Variants in PARD3 observed in about 807,000 individuals in gnomAD.
The protein encoded by PARD3 is par-3 family cell polarity regulator, also known as partitioning defective 3 homolog.
In PARD3, 75 loss-of-function variants were observed where a neutral mutation model predicts 155.4. The ratio of observed to expected loss-of-function variants is 0.48; its 90% CI spans 0.40 to 0.58. The LOEUF is 0.58. PARD3 is among the 20% of genes least tolerant of loss of function. PARD3 has a pLI of 0.00. For missense variants in PARD3, 1,642 were observed against 1,721.7 expected, an observed-to-expected ratio of 0.95 and a Z score of 0.82; for synonymous variants, 576 against 610.5, an observed-to-expected ratio of 0.94 and a Z score of 0.83.
At chr10:34,694,682 G>C (rs1030630720) in intron 2 of PARD3, among the ~76,000 whole-genome samples, 31 of 151,948 alleles carry the variant, frequency 2.0e-4, no homozygotes, top group Non-Finnish European at 1.5e-5. Context: ...TTGTTAGCCA[G>C]GATCTGCATT....
chr10:34,337,678 C>A (rs915528052), intron 16 of PARD3, among the ~76,000 whole-genome samples: 1 of 152,110 alleles, frequency 6.6e-6, no homozygotes, highest in Non-Finnish European at 1.5e-5. Context: ...TCTCTACTTT[C>A]CTCTCTGTTT....
Position 34,719,101 on chromosome 10 carries a change from C to A in PARD3, c.121-22682G>T, listed in dbSNP as rs191315461. On this transcript the variant is annotated intron_variant, in intron 1 of 24. Coordinates refer to ENST00000374788, the MANE Select transcript of PARD3 (RefSeq NM_001184785.2). ...CCTTTCTCCCCACAATATACTGATA[C>A]GTTGAATTGAGCCAGGCACATGTAA... 3.8e-4 allele frequency among the ~76,000 whole-genome samples: 58 copies of A among 152,280 alleles called. No homozygotes were observed. The East Asian group carries it at 4.4e-3, about 12-fold the overall frequency.
rs1946343769 is a variant in PARD3 at position 34,110,589 on chromosome 10, T to A, written c.*580A>T. On this transcript the variant is annotated 3_prime_UTR_variant, in exon 25 of 25. Transcript: ENST00000374788. ...CCATGGTGACCAAACAATGTTGGAC[T>A]ATGGCTTAGCTTCTGTAATAGGATG... 1 of 152,326 alleles carries A rather than the reference T, an allele frequency of 6.6e-6. No individual in the cohort carries two copies. The highest frequency in any genetic ancestry group is 2.4e-5 in the African/African-American group (1 of 41,448). 9.4% of individuals were successfully genotyped at this position (152,326 alleles called of 1,614,324 possible).
Position 34,109,888 on chromosome 10 carries a change from A to T in PARD3, c.*1281T>A, listed in dbSNP as rs7091596. On this transcript the variant is annotated 3_prime_UTR_variant, in exon 25 of 25. Transcript: ENST00000374788. ...TAAATACATGGTATGCTGAGCTTTC[A>T]CCTCCAGCTTTTTCCACATCGGGAT... 5,851 of 151,460 alleles carry T rather than the reference A, an allele frequency of 0.039. 293 individuals are homozygous for T. The highest frequency in any genetic ancestry group is 0.19 in the East Asian group (987 of 5,130). The allele number at this position is 151,460 out of a possible 1,614,324, so 9.4% of individuals were successfully genotyped here.
chr10:34,626,152 G>A (rs953879546), intron 2 of PARD3, among the ~76,000 whole-genome samples: 1 of 152,198 alleles, frequency 6.6e-6, no homozygotes, highest in African/African-American at 2.4e-5. Flanking sequence ...AAGAAAGGAG[G>A]ACCTGTAAAC....
At chr10:34,635,338 G>A (rs1027661227) in intron 2 of PARD3, among the ~76,000 whole-genome samples, 5 of 152,236 alleles carry the variant, frequency 3.3e-5, no homozygotes, top group Non-Finnish European at 7.3e-5. Context: ...CTGTCTGAGC[G>A]AGAGATGCCA....
chr10:34,558,290 C>G (rs1254953365), intron 2 of PARD3, among the ~76,000 whole-genome samples: 1 of 152,152 alleles, frequency 6.6e-6, no homozygotes, highest in Non-Finnish European at 1.5e-5. Context: ...GATGCTGTTA[C>G]AAAGTTTTCA....
chr10:34,559,156 T>C (rs2085263349), intron 2 of PARD3, among the ~76,000 whole-genome samples: 1 of 152,080 alleles, frequency 6.6e-6, no homozygotes, highest in African/African-American at 2.4e-5. Context: ...TTAGGCACCA[T>C]ACTCAGCCTT....
chr10:34,419,534 A>C (rs1188119368), intron 5 of PARD3, among the ~76,000 whole-genome samples: 6 of 152,182 alleles, frequency 3.9e-5, no homozygotes, highest in Admixed American at 3.9e-4. Flanking sequence ...AAGAAAAGAA[A>C]AGAAGTAATG....
chr10:34,344,868 A>G, intron 15 of PARD3: 1 of 985,424 alleles, frequency 1.0e-6, no homozygotes, highest in Non-Finnish European at 1.2e-6. Context: ...TTGGTTCAGA[A>G]GTACAGAAAG....
chr10:34,234,553 C>T (rs1953113644), intron 22 of PARD3, among the ~76,000 whole-genome samples: 1 of 152,152 alleles, frequency 6.6e-6, no homozygotes, highest in Admixed American at 6.6e-5. Context: ...CTCTTTCCTC[C>T]CTTCTCTGCA....
Position 34,424,731 on chromosome 10 carries a change from T to C in PARD3, c.715-22814A>G, listed in dbSNP as rs538944160. 1.3e-3 allele frequency among the ~76,000 whole-genome samples: 204 copies of C among 152,110 alleles called. 1 individual carries two copies. The highest frequency in any genetic ancestry group is 4.6e-3 in the African/African-American group (189 of 41,508). On this transcript the variant is annotated intron_variant, in intron 5 of 24. Transcript: ENST00000374788. ...GGTTTCGTCATGTTGCCCAGGCTGG[T>C]CTCAAACTCCTGACCTCAGGTGATC...
intron 1 of PARD3, among the ~76,000 whole-genome samples, chr10:34,788,070 A>T (rs954895562): frequency 5.3e-5 from 8 of 151,586 alleles, no homozygotes; most frequent in Admixed American, 4.6e-4. Flanking sequence ...AGGTATAAGT[A>T]ACGTCGCCCC....
intron 3 of PARD3, among the ~76,000 whole-genome samples, chr10:34,501,536 T>C (rs1564785355): frequency 6.6e-6 from 1 of 152,318 alleles, no homozygotes; most frequent in South Asian, 2.1e-4. Flanking sequence ...ACTCACTAGA[T>C]CATTACTGTT....
chr10:34,322,646 T>C (rs1958449404), intron 19 of PARD3, among the ~76,000 whole-genome samples: 1 of 152,142 alleles, frequency 6.6e-6, no homozygotes, highest in Admixed American at 6.6e-5. Flanking sequence ...TCAATGGGTA[T>C]AAATAGAGAT....
chr10:34,705,578 C>T (rs761533172), intron 1 of PARD3, among the ~76,000 whole-genome samples: 1 of 151,926 alleles, frequency 6.6e-6, no homozygotes, highest in Non-Finnish European at 1.5e-5. Context: ...AAACATTATA[C>T]AAATGTTTGT....
intron 22 of PARD3, among the ~76,000 whole-genome samples, chr10:34,187,925 T>C (rs901252126): frequency 2.6e-5 from 4 of 151,806 alleles, no homozygotes; most frequent in African/African-American, 9.7e-5. Context: ...CTGTGACCCT[T>C]TCTAGGATGG....
intron 19 of PARD3, among the ~76,000 whole-genome samples, chr10:34,329,491 T>A (rs925297984): frequency 3.3e-5 from 5 of 152,090 alleles, no homozygotes; most frequent in Non-Finnish European, 7.4e-5. Flanking sequence ...AAAAACTCAA[T>A]AGGGTCGAAA....
intron 2 of PARD3, among the ~76,000 whole-genome samples, chr10:34,518,812 G>C (rs1191370161): frequency 1.3e-5 from 2 of 152,070 alleles, no homozygotes; most frequent in African/African-American, 4.8e-5. Context: ...GATAATAACA[G>C]GATATTTGCA....
Sources: allele counts gnomAD v4.1 joint callset (sites outside exome capture counted in the v4.1 genomes callset), GRCh38; gene constraint gnomAD v4.1.1; transcripts MANE v1.5; gene names NCBI Gene and HGNC (gene_info 2026-07-23, HGNC 2026-07-21).